RBPJ: variants seen among roughly 807,000 people sequenced by gnomAD.
The protein encoded by RBPJ is recombining binding protein suppressor of hairless.
RBPJ carries 9 observed loss-of-function variants against 67.8 expected under a neutral mutation model. The observed-to-expected ratio is 0.13, with a 90% CI of 0.08 to 0.23. The LOEUF (loss-of-function observed/expected upper bound fraction) is 0.23. Among genes scored for constraint, RBPJ ranks in the 10% least tolerant of loss-of-function variants. RBPJ has a pLI of 1.00. For missense variants in RBPJ, 305 were observed against 595.6 expected (o/e 0.51, Z 5.08); for synonymous variants, 198 against 203.3 (o/e 0.97, Z 0.22).
chr4:26,220,296 A>G (rs1718859200), intron 1 of RBPJ, among the ~76,000 whole-genome samples: 1 of 152,180 alleles, frequency 6.6e-6, no homozygotes, highest in Admixed American at 6.5e-5. Context: ...TTGAACTTGG[A>G]TAGTTTCTGC....
chr4:26,242,434 G>A (rs1328563385), intron 1 of RBPJ, among the ~76,000 whole-genome samples: 8 of 141,720 alleles, frequency 5.6e-5, no homozygotes, highest in East Asian at 2.1e-4. Flanking sequence ...ACAACAGAGC[G>A]AGACTCTGTC....
At chr4:26,201,527 C>T (rs934725485) in intron 1 of RBPJ, among the ~76,000 whole-genome samples, 4 of 152,138 alleles carry the variant, frequency 2.6e-5, no homozygotes, top group African/African-American at 9.7e-5. Context: ...TTCCATTTTT[C>T]ACTCCACAGC....
At chr4:26,153,469 T>C in the RBPJ span, among the ~76,000 whole-genome samples, 1 of 152,172 alleles carries the variant, frequency 6.6e-6, no homozygotes, top group African/African-American at 2.4e-5. Flanking sequence ...TACTGTACAC[T>C]GTATTCTATT....
chr4:26,194,583 A>G (rs1156551276), intron 1 of RBPJ, among the ~76,000 whole-genome samples: 1 of 152,238 alleles, frequency 6.6e-6, no homozygotes, highest in Non-Finnish European at 1.5e-5. Flanking sequence ...CAGAAAGCTC[A>G]GCCATCCCCC....
chr4:26,188,245 A>C (rs2109137546), intron 1 of RBPJ, among the ~76,000 whole-genome samples: 1 of 152,264 alleles, frequency 6.6e-6, no homozygotes, highest in East Asian at 1.9e-4. Context: ...GTAAAAAAGT[A>C]GATGAGAAGA....
At chr4:26,142,791 A>G in the RBPJ span, among the ~76,000 whole-genome samples, 1 of 152,024 alleles carries the variant, frequency 6.6e-6, no homozygotes, top group Non-Finnish European at 1.5e-5. Flanking sequence ...TGTGTGTGAG[A>G]GAGAGAGAGA....
intron 1 of RBPJ, among the ~76,000 whole-genome samples, chr4:26,265,997 C>A (rs550537401): frequency 6.6e-6 from 1 of 152,072 alleles, no homozygotes; most frequent in East Asian, 1.9e-4. Context: ...CACTACTTCA[C>A]TCCAGCTCTG....
intron 1 of RBPJ, chr4:26,321,833 A>T (rs1723112206): frequency 6.6e-6 from 1 of 150,588 alleles, no homozygotes; most frequent in African/African-American, 2.5e-5. Context: ...AGCCCCGGGG[A>T]CTCCATCTGC....
intron 1 of RBPJ, among the ~76,000 whole-genome samples, chr4:26,269,017 A>T (rs901032919): frequency 6.6e-6 from 1 of 151,916 alleles, no homozygotes; most frequent in Non-Finnish European, 1.5e-5. Context: ...TGTTCTCCTG[A>T]TACACTGGCA....
chr4:26,233,830 G>T (rs925098936), intron 1 of RBPJ, among the ~76,000 whole-genome samples: 1 of 152,182 alleles, frequency 6.6e-6, no homozygotes, highest in Non-Finnish European at 1.5e-5. Flanking sequence ...AGGAACAAGT[G>T]ATTAGCCATG....
chr4:26,422,235 G>C (rs1251097983), intron 5 of RBPJ, among the ~76,000 whole-genome samples: 1 of 150,964 alleles, frequency 6.6e-6, no homozygotes, highest in African/African-American at 2.4e-5. Flanking sequence ...GTCATGTTGA[G>C]ATTGATTATA....
chr4:26,233,606 A>G (rs1440340081), intron 1 of RBPJ, among the ~76,000 whole-genome samples: 1 of 152,160 alleles, frequency 6.6e-6, no homozygotes, highest in Non-Finnish European at 1.5e-5. Flanking sequence ...TGGGATCCTT[A>G]GTACCTTCAC....
At chr4:26,111,442 C>A in the RBPJ span, among the ~76,000 whole-genome samples, 1 of 152,270 alleles carries the variant, frequency 6.6e-6, no homozygotes, top group Admixed American at 6.5e-5. Context: ...TCATCTCTTT[C>A]TTCTCTTCTT....
chr4:26,358,801 C>T (rs1727695243), intron 1 of RBPJ, among the ~76,000 whole-genome samples: 1 of 151,678 alleles, frequency 6.6e-6, no homozygotes. Flanking sequence ...AAAAAAAAGT[C>T]CATTCATTTA....
chr4:26,194,101 A>T (rs993808833), intron 1 of RBPJ, among the ~76,000 whole-genome samples: 1 of 152,198 alleles, frequency 6.6e-6, no homozygotes, highest in Non-Finnish European at 1.5e-5. Context: ...ATAGCATTTG[A>T]TAGACACACA....
In RBPJ at chr4:26,430,203, A is replaced by G; in HGVS notation, c.1044+150A>G. On this transcript the variant is annotated intron_variant, in intron 9 of 10. Coordinates refer to ENST00000355476, the MANE Select transcript of RBPJ (RefSeq NM_015874.6). This position sits in a 1 kb window ranked among gnomAD's most constrained non-coding sequence, Gnocchi z 4.1. Reference sequence around the variant, plus strand: ...TACACCATTTGTTGATTTAAAGAAAAAAAAACAAAATTAGGAGGAGCGTAC... The same window carrying G: ...TACACCATTTGTTGATTTAAAGAAAGAAAAACAAAATTAGGAGGAGCGTAC... 9.8e-7 allele frequency: 1 copy of G among 1,025,058 alleles called. No homozygotes were observed. Among genetic ancestry groups the G allele is most frequent in the Non-Finnish European group, 1.4e-6 (1 of 693,750 alleles). 63.5% of individuals were successfully genotyped at this position (1,025,058 alleles called of 1,614,324 possible).
intron 2 of RBPJ, among the ~76,000 whole-genome samples, chr4:26,401,740 A>T (rs1205184348): frequency 2.6e-5 from 4 of 152,210 alleles, no homozygotes; most frequent in Non-Finnish European, 4.4e-5. Flanking sequence ...ATACAAATAG[A>T]ATTTAGTATC....
At chr4:26,236,783 T>C (rs1719466275) in intron 1 of RBPJ, among the ~76,000 whole-genome samples, 1 of 152,228 alleles carries the variant, frequency 6.6e-6, no homozygotes, top group South Asian at 2.1e-4. Context: ...GTATCTCTAT[T>C]ATCAGGAAGA....
chr4:26,136,803 A>C, the RBPJ span, among the ~76,000 whole-genome samples: 1 of 152,048 alleles, frequency 6.6e-6, no homozygotes, highest in Non-Finnish European at 1.5e-5. Context: ...TAACTTCCTT[A>C]TTTATCTTTT....
Sources: allele counts gnomAD v4.1 joint callset (sites outside exome capture counted in the v4.1 genomes callset), GRCh38; gene constraint gnomAD v4.1.1; non-coding constraint Gnocchi (gnomAD v3.1); transcripts MANE v1.5; gene names NCBI Gene and HGNC (gene_info 2026-07-23, HGNC 2026-07-21).